Variants in KDM3A observed in about 807,000 individuals in gnomAD.
KDM3A encodes lysine demethylase 3A.
A neutral mutation model predicts 158.0 loss-of-function variants in KDM3A; 60 were observed. The observed-to-expected ratio is 0.38, with a 90% CI of 0.31 to 0.47. KDM3A has a LOEUF of 0.47. KDM3A is among the 20% of genes least tolerant of loss of function. KDM3A has a pLI of 0.99. For synonymous variants in KDM3A, 608 were observed against 549.3 expected (o/e 1.11, Z -1.49); for missense variants, 1,319 against 1,574.3 (o/e 0.84, Z 2.74).
chr2:86,482,099 A>G lies in KDM3A; in HGVS notation c.2682A>G (p.Gly894=). 6.2e-7 allele frequency: 1 copy of G among 1,612,872 alleles called. No individual in the cohort carries two copies. The highest frequency in any genetic ancestry group is 8.5e-7 in the Non-Finnish European group (1 of 1,179,356). ...FLRNLLNSST[G]KTENGLKNTP... ...GGAATCTCTTGAATTCTTCTACAGG[A>G]AAGGTATGTGTTTGTTTGTTGGTAT... The change falls in exon 17 of 26, where the codon GGA becomes GGG. Residue 894 remains glycine, a synonymous_variant. Transcript: ENST00000312912.
At chr2:86,472,294 G>T (rs1445347196) in intron 11 of KDM3A, among the ~76,000 whole-genome samples, 4 of 152,036 alleles carry the variant, frequency 2.6e-5, no homozygotes, top group African/African-American at 7.3e-5. Flanking sequence ...GTAGAAGCCA[G>T]TGTAGTAGAA....
intron 9 of KDM3A, among the ~76,000 whole-genome samples, chr2:86,464,650 A>G (rs1438612435): frequency 6.6e-6 from 1 of 152,258 alleles, no homozygotes; most frequent in East Asian, 1.9e-4. Context: ...GACTCTAAGA[A>G]TAATAGAAAT....
intron 10 of KDM3A, among the ~76,000 whole-genome samples, chr2:86,467,564 T>C (rs1418149733): frequency 6.6e-6 from 1 of 152,206 alleles, no homozygotes; most frequent in Admixed American, 6.5e-5. Flanking sequence ...ATGCTACTTA[T>C]ATGAAGTTTG....
At chr2:86,473,998 CTATCTAGGGGT>C (rs1673535127) in intron 11 of KDM3A, among the ~76,000 whole-genome samples, 2 of 152,178 alleles carry the variant, frequency 1.3e-5, no homozygotes, top group Admixed American at 6.5e-5. Context: ...GCTTCAGTGA[CTATCTAGGGGT>C]TACCCTTCTT....
chr2:86,487,603 T>C (rs1353483972), intron 21 of KDM3A: 1 of 151,964 alleles, frequency 6.6e-6, no homozygotes, highest in Non-Finnish European at 1.5e-5. Context: ...AGTACTTAGA[T>C]CTCCTGATTT....
intron 4 of KDM3A, among the ~76,000 whole-genome samples, chr2:86,454,264 G>T (rs892889351): frequency 3.3e-5 from 5 of 152,334 alleles, no homozygotes; most frequent in African/African-American, 1.2e-4. Flanking sequence ...AGGGGCCTTA[G>T]AAAATAGGGT....
At chr2:86,455,456 T>A (rs564334509) in intron 5 of KDM3A, among the ~76,000 whole-genome samples, 1 of 152,066 alleles carries the variant, frequency 6.6e-6, no homozygotes, top group East Asian at 1.9e-4. Context: ...TTTCACTATT[T>A]CACCATGTTG....
chr2:86,460,113 A>G (rs1672865265), intron 8 of KDM3A, among the ~76,000 whole-genome samples: 1 of 152,204 alleles, frequency 6.6e-6, no homozygotes, highest in Non-Finnish European at 1.5e-5. Flanking sequence ...ACTTGTAATC[A>G]TACTTCTCAG....
chr2:86,472,902 T>C (rs1466554464), intron 11 of KDM3A, among the ~76,000 whole-genome samples: 3 of 152,218 alleles, frequency 2.0e-5, no homozygotes, highest in African/African-American at 7.2e-5. Flanking sequence ...TATGAAGTAC[T>C]GTCTCTTGGA....
chr2:86,461,833 A>G (rs1177192719), intron 8 of KDM3A, among the ~76,000 whole-genome samples: 1 of 152,146 alleles, frequency 6.6e-6, no homozygotes, highest in Non-Finnish European at 1.5e-5. Context: ...GGCTTAGAAC[A>G]CTAGGAGATG....
intron 2 of KDM3A, chr2:86,442,553 G>A: frequency 4.5e-6 from 1 of 219,910 alleles, no homozygotes; most frequent in Non-Finnish European, 9.0e-6. Context: ...TTAGCGTTAG[G>A]TAGGGCCTGT....
chr2:86,443,250 A>C (rs1469589632), intron 2 of KDM3A: 2 of 152,186 alleles, frequency 1.3e-5, no homozygotes, highest in African/African-American at 2.4e-5. Context: ...GCTTTTTCTT[A>C]AACTATGTTC....
intron 2 of KDM3A, among the ~76,000 whole-genome samples, chr2:86,445,840 A>G (rs770972570): frequency 6.6e-5 from 10 of 152,274 alleles, no homozygotes; most frequent in Non-Finnish European, 1.5e-4. Context: ...ATAAGAAGAC[A>G]TAAGTGGAAG....
At chr2:86,477,834 G>A in intron 12 of KDM3A, 43 bp from the exon 13 acceptor site, 1 of 1,543,858 alleles carries the variant, frequency 6.5e-7, no homozygotes, top group Non-Finnish European at 8.7e-7. Context: ...GGTTTCAGAA[G>A]CCCTCTCCTT....
intron 5 of KDM3A, among the ~76,000 whole-genome samples, chr2:86,456,215 G>A (rs998061514): frequency 2.6e-5 from 4 of 151,960 alleles, no homozygotes; most frequent in South Asian, 4.1e-4. Context: ...AGTGAGTGAG[G>A]TCTTGATGAA....
At chr2:86,475,392 G>T (rs181280880) in intron 12 of KDM3A, among the ~76,000 whole-genome samples, 1 of 152,332 alleles carries the variant, frequency 6.6e-6, no homozygotes, top group East Asian at 1.9e-4. Flanking sequence ...GTTAGAGTCT[G>T]CAGGGCTGGG....
At position 86,455,128 on chromosome 2, in the gene KDM3A, T is replaced by G. The variant is rs753301591; in HGVS notation, c.497T>G (p.Val166Gly). The G allele has an allele frequency of 1.4e-5, 22 of 1,605,414 alleles. No homozygotes were observed. Among genetic ancestry groups the G allele is most frequent in the Non-Finnish European group, 1.6e-5 (19 of 1,176,878 alleles). Residue 166 changes from valine to glycine, a missense_variant, in exon 5 of 26, where the codon GTC (valine) becomes GGC (glycine). By Grantham distance (109) the Val-to-Gly change is moderately radical (BLOSUM62 -3). Coordinates refer to ENST00000312912, the MANE Select transcript of KDM3A (RefSeq NM_018433.6). The stretch of plus-strand genomic sequence containing the variant: ...CTTTCTCTTACGGATAATCAGATTG[T>G]CAGTAAAGAATTTCAAGCTTTGATT... ...LRLSLTDNQI[V>G]SKEFQALIVK...
At chr2:86,469,098 T>C (rs1235234420) in intron 10 of KDM3A, among the ~76,000 whole-genome samples, 2 of 152,230 alleles carry the variant, frequency 1.3e-5, no homozygotes, top group South Asian at 4.1e-4. Context: ...TCACTATAAC[T>C]GAGTAGGAGT....
chr2:86,464,102 A>G lies in KDM3A; in HGVS notation c.893A>G (p.Lys298Arg), dbSNP rs1673034444. The change falls in exon 9 of 26, where the codon AAG becomes AGG. Residue 298 changes from lysine to arginine, a missense_variant. Transcript: ENST00000312912. Reference protein sequence around the residue: ...PVQSVPTTVFKEILLGCTAAT... With the variant: ...PVQSVPTTVFREILLGCTAAT... Reference sequence around the variant, plus strand: ...CAGTCTGTACCTACAACAGTTTTTAAGGAGATACTGCTTGGCTGTACTGCG... The same window carrying G: ...CAGTCTGTACCTACAACAGTTTTTAGGGAGATACTGCTTGGCTGTACTGCG... 3 of 1,612,728 alleles carry G rather than the reference A, an allele frequency of 1.9e-6. No homozygotes were observed. The highest frequency in any genetic ancestry group is 2.5e-6 in the Non-Finnish European group (3 of 1,179,172).
Sources: allele counts gnomAD v4.1 joint callset (sites outside exome capture counted in the v4.1 genomes callset), GRCh38; gene constraint gnomAD v4.1.1; transcripts MANE v1.5; gene names NCBI Gene and HGNC (gene_info 2026-07-23, HGNC 2026-07-21).